Variants in ATP2B2 observed in about 807,000 individuals in gnomAD.
The protein encoded by ATP2B2 is plasma membrane calcium-transporting ATPase 2.
A neutral mutation model predicts 120.0 loss-of-function variants in ATP2B2; 15 were observed. That is an observed-to-expected ratio of 0.12 (90% CI 0.08 to 0.19). ATP2B2 has a LOEUF of 0.19. Ranked by LOEUF, ATP2B2 falls within the 10% of genes least tolerant of loss-of-function variation. The pLI, the probability that ATP2B2 is intolerant of heterozygous loss-of-function variation, is 1.00. For synonymous variants in ATP2B2, 694 were observed against 700.3 expected (o/e 0.99, Z 0.14); for missense variants, 1,045 against 1,719.8 (o/e 0.61, Z 6.94).
chr3:10,450,137 A>G (rs2063983823), intron 1 of ATP2B2, among the ~76,000 whole-genome samples: 1 of 152,056 alleles, frequency 6.6e-6, no homozygotes, highest in Non-Finnish European at 1.5e-5. Context: ...CAACACACAC[A>G]CTGTGTGTAC....
intron 2 of ATP2B2, among the ~76,000 whole-genome samples, chr3:10,586,949 C>T (rs2068523498): frequency 6.6e-6 from 1 of 152,164 alleles, no homozygotes; most frequent in African/African-American, 2.4e-5. Flanking sequence ...CCCATCTCTG[C>T]CTCACATCTC....
At chr3:10,690,658 A>G (rs932621942) in intron 1 of ATP2B2, among the ~76,000 whole-genome samples, 3 of 152,186 alleles carry the variant, frequency 2.0e-5, no homozygotes, top group Non-Finnish European at 4.4e-5. Context: ...CCCCAGAGAC[A>G]GAAGAGTGGC....
chr3:10,468,786 T>C (rs1287227430), intron 1 of ATP2B2, among the ~76,000 whole-genome samples: 3 of 152,238 alleles, frequency 2.0e-5, no homozygotes, highest in African/African-American at 4.8e-5. Flanking sequence ...TGCCAAGTCC[T>C]GCTTCCTCTG....
chr3:10,538,853 A>G (rs2067373425), intron 2 of ATP2B2, among the ~76,000 whole-genome samples: 1 of 152,216 alleles, frequency 6.6e-6, no homozygotes, highest in Non-Finnish European at 1.5e-5. Context: ...CCTATTCAAC[A>G]TACTGTTTGA....
At chr3:10,498,101 A>G (rs1322663791) in intron 1 of ATP2B2, among the ~76,000 whole-genome samples, 1 of 152,252 alleles carries the variant, frequency 6.6e-6, no homozygotes, top group South Asian at 2.1e-4. Flanking sequence ...GTCAGGCACA[A>G]CCTGGCTTCA....
At chr3:10,609,152 A>G (rs1021846520) in intron 2 of ATP2B2, among the ~76,000 whole-genome samples, 2 of 152,208 alleles carry the variant, frequency 1.3e-5, no homozygotes, top group African/African-American at 4.8e-5. Flanking sequence ...GCTCTGTCTC[A>G]GGACCCCGTG....
intron 3 of ATP2B2, among the ~76,000 whole-genome samples, chr3:10,529,011 C>T (rs61673754): frequency 0.026 from 3,950 of 152,284 alleles, 118 homozygotes; most frequent in East Asian, 0.15. Context: ...AAAGGGGGTC[C>T]AGCACTGACC....
intron 11 of ATP2B2, among the ~76,000 whole-genome samples, chr3:10,374,230 C>T (rs553045236): frequency 2.4e-4 from 36 of 152,290 alleles, no homozygotes; most frequent in African/African-American, 7.0e-4. Context: ...GCCCCCTACT[C>T]GTGGCTCTAT....
At chr3:10,564,496 G>T (rs980297705) in intron 2 of ATP2B2, among the ~76,000 whole-genome samples, 1 of 151,970 alleles carries the variant, frequency 6.6e-6, no homozygotes, top group African/African-American at 2.4e-5. Flanking sequence ...GCTCAACCCT[G>T]GCTCCAGGCT....
At chr3:10,513,168 C>A (rs1253420036) in intron 3 of ATP2B2, among the ~76,000 whole-genome samples, 2 of 110,412 alleles carry the variant, frequency 1.8e-5, no homozygotes, top group Non-Finnish European at 3.8e-5. Context: ...CAGCAGGAGG[C>A]CCCGGTGTCT....
At chr3:10,569,356 A>T (rs1423933902) in intron 2 of ATP2B2, among the ~76,000 whole-genome samples, 1 of 152,184 alleles carries the variant, frequency 6.6e-6, no homozygotes, top group Non-Finnish European at 1.5e-5. Flanking sequence ...AGGAAACAGA[A>T]GCAGCAGCTT....
At chr3:10,632,141 T>G (rs2069882342) in intron 1 of ATP2B2, among the ~76,000 whole-genome samples, 1 of 152,212 alleles carries the variant, frequency 6.6e-6, no homozygotes, top group Admixed American at 6.5e-5. Flanking sequence ...TGGTTTTTTG[T>G]GGTGGGCTTG....
Position 10,592,509 on chromosome 3 carries a change from CCTT to C in ATP2B2, c.-415+27405_-415+27407del, listed in dbSNP as rs1253117268. ...CCAGGCATGCAAAGGCCCAGAATGT[CCTT>C]CTTATTTCCCCTTGAAAATGGAAAC... On this transcript the variant is annotated intron_variant, in intron 2 of 21. Coordinates refer to the ATP2B2 transcript ENST00000646379. Among the ~76,000 whole-genome samples, 6 of 152,298 alleles carry C rather than the reference CCTT, an allele frequency of 3.9e-5. No individual in the cohort carries two copies. The South Asian group carries it at 1.2e-3, about 32-fold the overall frequency.
At chr3:10,412,401 C>A (rs1236625397) in intron 2 of ATP2B2, among the ~76,000 whole-genome samples, 1 of 152,162 alleles carries the variant, frequency 6.6e-6, no homozygotes, top group East Asian at 1.9e-4. Flanking sequence ...GAGGCCGGTG[C>A]TTCTCCTTGC....
chr3:10,338,154 A>T lies in ATP2B2; in HGVS notation c.3420+22T>A, dbSNP rs1007439798. The T allele has an allele frequency of 1.9e-6, 3 of 1,613,380 alleles. No individual in the cohort carries two copies. The East Asian group carries it at 6.7e-5, about 36-fold the overall frequency. ...GCCCGCCCCGGCCAGGCCTGGGCCC[A>T]GCCCCCAAGAGCCTCCTGTACCTGT... On this transcript the variant is annotated intron_variant, in intron 22 of 22. Coordinates refer to ENST00000360273, the MANE Select transcript of ATP2B2 (RefSeq NM_001001331.4).
intron 5 of ATP2B2, chr3:10,394,647 TC>T (rs1467103528): frequency 2.4e-6 from 1 of 420,160 alleles, no homozygotes; most frequent in African/African-American, 2.0e-5. Flanking sequence ...GGTCCGGCTC[TC>T]CCATGCCTGG....
intron 1 of ATP2B2, among the ~76,000 whole-genome samples, chr3:10,468,144 C>CA (rs1451649930): frequency 6.6e-6 from 1 of 152,216 alleles, no homozygotes; most frequent in Non-Finnish European, 1.5e-5. Flanking sequence ...AAGACAGGGC[C>CA]ACCCTGCTCC....
chr3:10,351,149 G>A (rs903383985), intron 14 of ATP2B2, among the ~76,000 whole-genome samples: 81 of 152,292 alleles, frequency 5.3e-4, no homozygotes, highest in African/African-American at 1.9e-3. Flanking sequence ...ATAAGGATAG[G>A]TTCTGTCCTC....
chr3:10,449,962 C>CTTT, intron 1 of ATP2B2, 100 bp from the exon 2 acceptor site: 1 of 336,132 alleles, frequency 3.0e-6, no homozygotes, highest in Non-Finnish European at 5.8e-6. Flanking sequence ...GCAACCTAAA[C>CTTT]AACACTGACT....
Sources: allele counts gnomAD v4.1 joint callset (sites outside exome capture counted in the v4.1 genomes callset), GRCh38; gene constraint gnomAD v4.1.1; transcripts MANE v1.5; gene names NCBI Gene and HGNC (gene_info 2026-07-23, HGNC 2026-07-21).